Variants in DCAF8L2 observed in about 807,000 individuals in gnomAD.
DCAF8L2 encodes DDB1 and CUL4 associated factor 8 like 2, also known as DDB1- and CUL4-associated factor 8-like protein 2.
For missense variants in DCAF8L2, 430 were observed against 490.7 expected, an observed-to-expected ratio of 0.88 and a Z score of 1.17; for synonymous variants, 200 against 190.9, an observed-to-expected ratio of 1.05 and a Z score of -0.39.
chrX:27,510,538 G>T, the DCAF8L2 span, among the ~76,000 whole-genome samples: 1 of 105,661 alleles, frequency 9.5e-6, no homozygotes. Flanking sequence ...AAGTCTTCTT[G>T]GACTTCAAGG....
Position 27,590,358 on chromosome X carries a change from G to A in DCAF8L2, c.-424G>A, listed in dbSNP as rs968108841. 3.6e-5 allele frequency: 4 copies of A among 111,479 alleles called. No individual in the cohort carries two copies. Among genetic ancestry groups the A allele is most frequent in the Admixed American group, 1.9e-4 (2 of 10,409 alleles). The allele number at this position is 111,479 out of a possible 1,213,427, so 9.2% of individuals were successfully genotyped here. ...AGTTTTGTTCTGTGGAGTCGCAAAA[G>A]CTGAACATCCTCCCCACAAGGTTAT... is the stretch of plus-strand genomic sequence containing the variant. On this transcript the variant is annotated 5_prime_UTR_variant, in exon 1 of 5. Transcript: ENST00000451261.
At chrX:27,746,096 T>G (rs1283381620) in intron 4 of DCAF8L2, among the ~76,000 whole-genome samples, 4 of 112,103 alleles carry the variant, frequency 3.6e-5, no homozygotes, top group Non-Finnish European at 7.5e-5. Flanking sequence ...CAGCCTTCAT[T>G]ACACTGAGGG....
chrX:27,599,343 T>G (rs1228806031), intron 1 of DCAF8L2, among the ~76,000 whole-genome samples: 1 of 109,658 alleles, frequency 9.1e-6, no homozygotes, highest in Non-Finnish European at 1.9e-5. Flanking sequence ...AAACAGAGAG[T>G]AGAATGGTGG....
chrX:27,549,600 A>T, the DCAF8L2 span, among the ~76,000 whole-genome samples: 2 of 107,437 alleles, frequency 1.9e-5, no homozygotes, highest in African/African-American at 6.7e-5. Context: ...CTTAATGAAT[A>T]AGAGAATGAA....
chrX:27,599,548 G>T (rs755615366), intron 1 of DCAF8L2, among the ~76,000 whole-genome samples: 1 of 111,563 alleles, frequency 9.0e-6, no homozygotes, highest in African/African-American at 3.3e-5. Context: ...GAAAAAAATT[G>T]AATTAGTAGT....
intron 2 of DCAF8L2, among the ~76,000 whole-genome samples, chrX:27,671,077 G>A (rs1929937542): frequency 1.8e-5 from 2 of 111,666 alleles, no homozygotes; most frequent in African/African-American, 3.3e-5. Flanking sequence ...ATGAGGTTCT[G>A]AGATTACCCA....
intron 1 of DCAF8L2, among the ~76,000 whole-genome samples, chrX:27,620,212 A>G (rs944251920): frequency 4.5e-5 from 5 of 111,792 alleles, no homozygotes; most frequent in African/African-American, 1.6e-4. Flanking sequence ...ATGGGACTAC[A>G]GAATAGTACA....
At chrX:27,722,175 GAC>G (rs1465550807) in intron 4 of DCAF8L2, among the ~76,000 whole-genome samples, 1 of 111,592 alleles carries the variant, frequency 9.0e-6, no homozygotes, top group Non-Finnish European at 1.9e-5. Flanking sequence ...ATGTTGAAAA[GAC>G]ATTTTTACTG....
chrX:27,711,449 T>C (rs1481884588), intron 3 of DCAF8L2, among the ~76,000 whole-genome samples: 2 of 107,369 alleles, frequency 1.9e-5, no homozygotes, highest in African/African-American at 3.4e-5. Context: ...TATTTGACTT[T>C]GTTCTTTAGA....
intron 4 of DCAF8L2, among the ~76,000 whole-genome samples, chrX:27,725,623 G>A (rs1205481503): frequency 9.1e-6 from 1 of 109,639 alleles, no homozygotes; most frequent in African/African-American, 3.3e-5. Flanking sequence ...AATATACATG[G>A]TTAAAAATTG....
the DCAF8L2 span, among the ~76,000 whole-genome samples, chrX:27,521,554 T>C: frequency 8.9e-6 from 1 of 112,342 alleles, no homozygotes; most frequent in South Asian, 3.7e-4. Context: ...CTGTGAAATA[T>C]TGGAATACGT....
At chrX:27,635,845 CTT>C (rs1928479467) in intron 2 of DCAF8L2, among the ~76,000 whole-genome samples, 2 of 104,154 alleles carry the variant, frequency 1.9e-5, no homozygotes, top group African/African-American at 7.2e-5. Context: ...GAGTTTTGCT[CTT>C]GTTACCCAGG....
intron 4 of DCAF8L2, among the ~76,000 whole-genome samples, chrX:27,727,170 A>G (rs987512561): frequency 3.6e-5 from 4 of 111,983 alleles, no homozygotes; most frequent in Admixed American, 9.5e-5. Flanking sequence ...CCATAGGATC[A>G]TAAACTATTT....
chrX:27,536,087 A>G, the DCAF8L2 span, among the ~76,000 whole-genome samples: 2 of 111,684 alleles, frequency 1.8e-5, no homozygotes, highest in Non-Finnish European at 3.8e-5. Flanking sequence ...TAAAAATACT[A>G]CCTCCATAAA....
chrX:27,648,775 AC>A (rs1381174467), intron 2 of DCAF8L2, among the ~76,000 whole-genome samples: 3 of 111,399 alleles, frequency 2.7e-5, no homozygotes, highest in Middle Eastern at 4.7e-3. Context: ...ACAAAGCACA[AC>A]TGTTAGTATA....
the DCAF8L2 span, among the ~76,000 whole-genome samples, chrX:27,557,799 G>A: frequency 1.8e-5 from 2 of 111,645 alleles, no homozygotes; most frequent in African/African-American, 3.3e-5. Context: ...AAGTGGATCC[G>A]GGTATTGCAT....
chrX:27,597,655 G>A (rs1368472660), intron 1 of DCAF8L2, among the ~76,000 whole-genome samples: 1 of 111,810 alleles, frequency 8.9e-6, no homozygotes, highest in East Asian at 2.8e-4. Context: ...AGAATGAATC[G>A]CATTCCATTT....
At chrX:27,628,605 CTTTT>C (rs35579870) in intron 1 of DCAF8L2, among the ~76,000 whole-genome samples, 1 of 90,647 alleles carries the variant, frequency 1.1e-5, no homozygotes, top group African/African-American at 4.1e-5. Flanking sequence ...TGGCTCTTGT[CTTTT>C]TTTTTTTTTT....
At chrX:27,593,709 G>A (rs759581153) in intron 1 of DCAF8L2, among the ~76,000 whole-genome samples, 11 of 112,157 alleles carry the variant, frequency 9.8e-5, no homozygotes, top group African/African-American at 3.6e-4. Context: ...CAGGGACCCT[G>A]GGCGATGCGA....
Sources: gnomAD v4.1 joint callset for allele counts (sites outside exome capture counted in the v4.1 genomes callset) on GRCh38, gnomAD v4.1.1 for gene constraint, MANE v1.5 for transcripts, NCBI Gene and HGNC (gene_info 2026-07-23, HGNC 2026-07-21) for gene names.